The following SLC27A6 variants were observed in gnomAD, a reference collection of about 807,000 sequenced individuals.
The protein encoded by SLC27A6 is long-chain fatty acid transport protein 6.
In SLC27A6, 74 loss-of-function variants were observed where a neutral mutation model predicts 63.9. That is an observed-to-expected ratio of 1.16 (90% CI 0.96 to 1.40). The LOEUF is 1.40. Ranked by LOEUF, SLC27A6 falls within the 40% of genes most tolerant of loss-of-function variation. SLC27A6 has a pLI of 0.00. For synonymous variants in SLC27A6, 287 were observed against 260.8 expected (o/e 1.10, Z -0.97); for missense variants, 794 against 732.9 (o/e 1.08, Z -0.96).
intron 4 of SLC27A6, among the ~76,000 whole-genome samples, chr5:129,007,472 G>A (rs12173059): frequency 0.23 from 32,660 of 143,452 alleles, 3,739 homozygotes; most frequent in Middle Eastern, 0.31. Context: ...AAAATATAAT[G>A]TTAAAAATAA....
Position 128,966,065 on chromosome 5 carries a change from G to A in SLC27A6, c.-73G>A. The A allele has an allele frequency of 1.3e-6, 2 of 1,501,286 alleles. No individual in the cohort carries two copies. The highest frequency in any genetic ancestry group is 1.8e-6 in the Non-Finnish European group (2 of 1,126,608). The allele number at this position is 1,501,286 out of a possible 1,614,324, so 93.0% of individuals were successfully genotyped here. ...GTAGTGAGGATCTGCGGTCTCCGTG[G>A]AGAGCTGTGCCTGGAAGAGAAGGAC... On this transcript the variant is annotated 5_prime_UTR_variant, in exon 1 of 10. Transcript: ENST00000262462.
intron 4 of SLC27A6, among the ~76,000 whole-genome samples, chr5:128,994,675 G>T (rs1336782686): frequency 6.6e-6 from 1 of 152,108 alleles, no homozygotes; most frequent in East Asian, 1.9e-4. Context: ...TTAAAAGAAA[G>T]CAAAACCATG....
At chr5:129,015,219 G>C (rs1270706193) in intron 4 of SLC27A6, among the ~76,000 whole-genome samples, 1 of 151,990 alleles carries the variant, frequency 6.6e-6, no homozygotes, top group Non-Finnish European at 1.5e-5. Context: ...TTACTTACTA[G>C]ATATAGAACA....
intron 9 of SLC27A6, among the ~76,000 whole-genome samples, chr5:129,030,111 G>A (rs1752369200): frequency 6.6e-6 from 1 of 151,940 alleles, no homozygotes; most frequent in South Asian, 2.1e-4. Flanking sequence ...TCTGGCTTTA[G>A]GCAATCCTGC....
intron 2 of SLC27A6, among the ~76,000 whole-genome samples, 176 bp from the exon 3 acceptor site, chr5:128,988,424 G>A (rs1750863913): frequency 1.3e-5 from 2 of 152,152 alleles, no homozygotes. Flanking sequence ...AAGTCAGAAT[G>A]GCCTCTTTTA....
At chr5:129,031,356 TC>T (rs1752408167) in intron 9 of SLC27A6, among the ~76,000 whole-genome samples, 1 of 152,048 alleles carries the variant, frequency 6.6e-6, no homozygotes, top group African/African-American at 2.4e-5. Context: ...GTATTACAAA[TC>T]TATTTAGCAC....
intron 7 of SLC27A6, among the ~76,000 whole-genome samples, chr5:129,027,888 G>A (rs1463763318): frequency 6.6e-6 from 1 of 151,988 alleles, no homozygotes; most frequent in African/African-American, 2.4e-5. Flanking sequence ...CATTAAAGGA[G>A]TCAAAGGGGG....
chr5:128,993,418 A>G (rs1046830607), intron 4 of SLC27A6, among the ~76,000 whole-genome samples: 1 of 151,552 alleles, frequency 6.6e-6, no homozygotes, highest in East Asian at 1.9e-4. Context: ...TAGAAAAAGT[A>G]AATTCGATTA....
At chr5:128,981,453 C>T (rs1011171312) in intron 1 of SLC27A6, among the ~76,000 whole-genome samples, 4 of 150,272 alleles carry the variant, frequency 2.7e-5, no homozygotes, top group Non-Finnish European at 5.9e-5. Flanking sequence ...TGCACTCTAG[C>T]TTGGAGGACA....
chr5:128,996,294 A>G (rs1221406547), intron 4 of SLC27A6, among the ~76,000 whole-genome samples: 1 of 150,994 alleles, frequency 6.6e-6, no homozygotes, highest in Non-Finnish European at 1.5e-5. Flanking sequence ...ACTTATTAGG[A>G]ATGCATTTTC....
intron 4 of SLC27A6, among the ~76,000 whole-genome samples, chr5:128,991,795 A>T (rs1247215423): frequency 6.6e-6 from 1 of 151,512 alleles, no homozygotes; most frequent in African/African-American, 2.4e-5. Context: ...CATTCGTTTG[A>T]TCAACTGCCA....
chr5:128,982,168 A>C (rs1039089524), intron 1 of SLC27A6, among the ~76,000 whole-genome samples: 3 of 152,240 alleles, frequency 2.0e-5, no homozygotes, highest in South Asian at 2.1e-4. Context: ...TATCCCCTGC[A>C]TGACTCTTCT....
chr5:129,009,489 T>C (rs1481824836), intron 4 of SLC27A6, among the ~76,000 whole-genome samples: 2 of 152,208 alleles, frequency 1.3e-5, no homozygotes, highest in Non-Finnish European at 2.9e-5. Context: ...TTTTAAAGTA[T>C]TGTAAAGAAG....
chr5:128,992,723 A>G (rs1013896509), intron 4 of SLC27A6, among the ~76,000 whole-genome samples: 9 of 152,186 alleles, frequency 5.9e-5, no homozygotes, highest in Admixed American at 6.5e-5. Context: ...TTTTCATTGT[A>G]CTTTTTGGTA....
intron 4 of SLC27A6, among the ~76,000 whole-genome samples, chr5:129,007,830 T>C (rs1436474181): frequency 6.6e-6 from 1 of 152,134 alleles, no homozygotes; most frequent in Non-Finnish European, 1.5e-5. Context: ...TCTATAATGA[T>C]GAACATTTAA....
intron 7 of SLC27A6, 71 bp from the exon 8 acceptor site, chr5:129,028,274 T>G (rs1181136740): frequency 3.0e-6 from 3 of 1,002,982 alleles, no homozygotes; most frequent in Non-Finnish European, 4.7e-6. Flanking sequence ...TGCAAGACAT[T>G]AAAACTAAAA....
At chr5:128,972,933 C>T (rs1750236237) in intron 1 of SLC27A6, among the ~76,000 whole-genome samples, 1 of 152,140 alleles carries the variant, frequency 6.6e-6, no homozygotes, top group South Asian at 2.1e-4. Flanking sequence ...ATGATGGTGA[C>T]CTACAGATGG....
At chr5:128,994,668 A>AAT in intron 4 of SLC27A6, among the ~76,000 whole-genome samples, 1 of 152,210 alleles carries the variant, frequency 6.6e-6, no homozygotes, top group East Asian at 1.9e-4. Context: ...CAGTTATTTA[A>AAT]AAGAAAGCAA....
chr5:129,029,441 C>T (rs1580752054), intron 8 of SLC27A6, 136 bp from the exon 9 acceptor site: 1 of 590,060 alleles, frequency 1.7e-6, no homozygotes, highest in Non-Finnish European at 2.9e-6. Context: ...AGGATACAGA[C>T]TAGTTTATGC....
Sources: gnomAD v4.1 joint callset for allele counts (sites outside exome capture counted in the v4.1 genomes callset) on GRCh38, gnomAD v4.1.1 for gene constraint, MANE v1.5 for transcripts, NCBI Gene and HGNC (gene_info 2026-07-23, HGNC 2026-07-21) for gene names.